SLC35G3: variants seen among roughly 807,000 people sequenced by gnomAD.
SLC35G3 encodes acyl-malonyl-condensing enzyme 1.
Under a neutral mutation model 17.9 loss-of-function variants are expected in SLC35G3, and 10 were observed. That is an observed-to-expected ratio of 0.56 (90% CI 0.34 to 0.95). The LOEUF is 0.95. SLC35G3 is among the 40% of genes least tolerant of loss of function. The pLI is 0.02. For missense variants in SLC35G3, 384 were observed against 433.6 expected, an observed-to-expected ratio of 0.89 and a Z score of 1.02; for synonymous variants, 208 against 197.7, an observed-to-expected ratio of 1.05 and a Z score of -0.44.
At position 35,193,177 on chromosome 17, in the gene SLC35G3, G is replaced by A; in HGVS notation, c.*114C>T. On this transcript the variant is annotated 3_prime_UTR_variant, in exon 1 of 1. Coordinates refer to ENST00000297307, the MANE Select transcript of SLC35G3 (RefSeq NM_152462.2). ...CCCAAGTCACCCTTGACTCTGAGAGGTATCCCTCTCCCACACCAGTTCTTT... is the reference window on the plus strand; with the variant it reads ...CCCAAGTCACCCTTGACTCTGAGAGATATCCCTCTCCCACACCAGTTCTTT... The A allele has an allele frequency of 6.5e-7, 1 of 1,540,862 alleles. No homozygotes were observed. The highest frequency in any genetic ancestry group is 8.8e-7 in the Non-Finnish European group (1 of 1,139,232).
chr17:35,193,253 C>T lies in SLC35G3; in HGVS notation c.*38G>A, dbSNP rs1195003394. On this transcript the variant is annotated 3_prime_UTR_variant, in exon 1 of 1. Transcript: ENST00000297307. ...GTCTTCAGTCTTTGCCTTTATTTAT[C>T]CCTGTCCCTCCCAACCCCCGGGCTC... 1.1e-5 allele frequency: 17 copies of T among 1,611,678 alleles called. No homozygotes were observed. The highest frequency in any genetic ancestry group is 1.4e-5 in the Non-Finnish European group (16 of 1,179,682).
rs757678388 is a variant in SLC35G3 at position 35,194,010 on chromosome 17, T to C, written c.298A>G (p.Ile100Val). 6.2e-7 allele frequency: 1 copy of C among 1,613,980 alleles called. No homozygotes were observed. The highest frequency in any genetic ancestry group is 2.2e-5 in the East Asian group (1 of 44,890). ...RGDPLLGTPD[I>V]RSRAFFCALL... ...GCACAGAAGAAGGCCCGGCTTCGGA[T>C]GTCAGGAGTTCCCAGAAGGGGGTCG... The change falls in exon 1 of 1, where the codon ATC becomes GTC. Residue 100 changes from isoleucine to valine, a missense_variant. Physicochemically the swap from Ile to Val is conservative, Grantham distance 29. Transcript: ENST00000297307.
Position 35,194,017 on chromosome 17 carries a change from A to C in SLC35G3, c.291T>G (p.Thr97=). 1 of 1,614,026 alleles carries C rather than the reference A, an allele frequency of 6.2e-7. No homozygotes were observed. Among genetic ancestry groups the C allele is most frequent in the Non-Finnish European group, 8.5e-7 (1 of 1,179,868 alleles). The change falls in exon 1 of 1, where the codon ACT becomes ACG. Residue 97 remains threonine (T), a synonymous_variant. Transcript: ENST00000297307. ...LKLRGDPLLG[T]PDIRSRAFFC... ...AGAAGGCCCGGCTTCGGATGTCAGG[A>C]GTTCCCAGAAGGGGGTCGCCACGCA...
rs2092334556 is a variant in SLC35G3 at position 35,193,603 on chromosome 17, C to T, written c.705G>A (p.Val235=). 6.2e-7 allele frequency: 1 copy of T among 1,611,920 alleles called. No individual in the cohort carries two copies. Among genetic ancestry groups the T allele is most frequent in the South Asian group, 1.1e-5 (1 of 90,994 alleles). ...GGGCCTGCAGCACAAAGAGGCCTGG[C>T]ACAGAGCCCAGCAGCCCCACCAAGC... The part of the protein sequence containing the change: ...LSGLVGLLGS[V]PGLFVLQAPV... Residue 235 remains valine, a synonymous_variant, in exon 1 of 1, where the codon GTG becomes GTA. Transcript: ENST00000297307.
Position 35,194,237 on chromosome 17 carries a change from C to T in SLC35G3, c.71G>A (p.Ser24Asn), listed in dbSNP as rs1213712985. 6.2e-7 allele frequency: 1 copy of T among 1,613,690 alleles called. No individual in the cohort carries two copies. The highest frequency in any genetic ancestry group is 1.7e-5 in the Admixed American group (1 of 59,996). Reference protein sequence around the residue: ...THPSPPSAPPSLRWYQRCQPS... With the variant: ...THPSPPSAPPNLRWYQRCQPS... ...CTGGCAGCGCTGGTACCAGCGGAGG[C>T]TGGGTGGAGCGGAGGGCGGCGATGG... The change falls in exon 1 of 1, where the codon AGC becomes AAC. Residue 24 changes from serine (S) to asparagine (N), a missense_variant. Physicochemically the swap from Ser to Asn is conservative, Grantham distance 46 (BLOSUM62 1). Coordinates refer to ENST00000297307, the MANE Select transcript of SLC35G3 (RefSeq NM_152462.2).
At position 35,193,433 on chromosome 17, in the gene SLC35G3, A is replaced by G. The variant is rs1567776062; in HGVS notation, c.875T>C (p.Val292Ala). 3.1e-6 allele frequency: 5 copies of G among 1,612,056 alleles called. No individual in the cohort carries two copies. The highest frequency in any genetic ancestry group is 2.2e-5 in the East Asian group (1 of 44,872). The change falls in exon 1 of 1, where the codon GTG (valine) becomes GCG (alanine). Residue 292 changes from valine (V) to alanine (A), a missense_variant. By Grantham distance (64) the Val-to-Ala change is moderately conservative. Coordinates refer to ENST00000297307, the MANE Select transcript of SLC35G3 (RefSeq NM_152462.2). ...VCAVLHSEVV[V>A]ALILQYYMLH... is the part of the protein sequence containing the mutation. ...CATATAATACTGCAGTATAAGGGCC[A>G]CAACCACCTCGGAATGTAGGACAGC...
At position 35,193,924 on chromosome 17, in the gene SLC35G3, G is replaced by A; in HGVS notation, c.384C>T (p.Gly128=). The change falls in exon 1 of 1, where the codon GGC becomes GGT. Residue 128 remains glycine, a synonymous_variant. Transcript: ENST00000297307. The part of the protein sequence containing the change: ...AYSAVQVVPA[G]NAATVRKGSS... ...AACCTTTGCGAACAGTGGCAGCGTT[G>A]CCAGCGGGCACCACCTGAACCGCAC... 1 of 1,614,016 alleles carries A rather than the reference G, an allele frequency of 6.2e-7. No individual in the cohort carries two copies. The highest frequency in any genetic ancestry group is 8.5e-7 in the Non-Finnish European group (1 of 1,179,868).
chr17:35,194,293 G>A lies in SLC35G3; in HGVS notation c.15C>T (p.His5=). 1.9e-6 allele frequency: 3 copies of A among 1,609,732 alleles called. No homozygotes were observed. The highest frequency in any genetic ancestry group is 2.5e-6 in the Non-Finnish European group (3 of 1,178,010). The change falls in exon 1 of 1, where the codon CAC becomes CAT. Residue 5 remains histidine, a synonymous_variant. Transcript: ENST00000297307. MAGS[H]PYFNQPDSTH... is the part of the protein sequence containing the mutation. ...TGGAGTCAGGCTGGTTGAAATAGGG[G>A]TGACTGCCAGCCATCTTTCCTTGGA... is the stretch of plus-strand genomic sequence containing the variant.
Position 35,194,178 on chromosome 17 carries a change from G to A in SLC35G3, c.130C>T (p.Leu44=), listed in dbSNP as rs1392850280. 1 of 1,613,392 alleles carries A rather than the reference G, an allele frequency of 6.2e-7. No homozygotes were observed. ...SDATSGLLVA[L]LGGGLPAGFV... is the part of the protein sequence containing the mutation. ...CCAGCAGGCAGGCCCCCACCCAGCA[G>A]GGCCACCAGCAGGCCACTGGTGGCA... Residue 44 remains leucine (L), a synonymous_variant, in exon 1 of 1, where the codon CTG becomes TTG. Coordinates refer to ENST00000297307, the MANE Select transcript of SLC35G3 (RefSeq NM_152462.2).
rs776547610 is a variant in SLC35G3, at chr17:35,194,055, G to A, written c.253C>T (p.Leu85=). The A allele has an allele frequency of 6.8e-6, 11 of 1,614,040 alleles. No individual in the cohort carries two copies. In the South Asian group the frequency reaches 1.2e-4, roughly 18 times the overall value. ...GGGTCGCCACGCAGTTTAAGTAGCA[G>A]GGCAATAGGGAGGTGGAAGAGGCAT... ...WRCLFHLPIA[L]LLKLRGDPLL... Residue 85 remains leucine, a synonymous_variant, in exon 1 of 1, where the codon CTG becomes TTG. Transcript: ENST00000297307.
Sources: gnomAD v4.1 joint callset for allele counts on GRCh38, gnomAD v4.1.1 for gene constraint, MANE v1.5 for transcripts, NCBI Gene and HGNC (gene_info 2026-07-23, HGNC 2026-07-21) for gene names.